USP12: variants seen among roughly 807,000 people sequenced by gnomAD.
The protein encoded by USP12 is ubiquitin carboxyl-terminal hydrolase 12.
USP12 carries 19 observed loss-of-function variants against 45.5 expected under a neutral mutation model. The observed-to-expected ratio is 0.42, with a 90% CI of 0.29 to 0.61. The LOEUF is 0.61. USP12 is among the 20% of genes least tolerant of loss of function. The pLI is 0.22. For missense variants in USP12, 242 were observed against 447.7 expected (o/e 0.54, Z 4.15); for synonymous variants, 149 against 148.8 (o/e 1.00, Z -0.01).
chr13:27,109,751 T>TA (rs1387318988), intron 2 of USP12, among the ~76,000 whole-genome samples: 1 of 151,696 alleles, frequency 6.6e-6, no homozygotes, highest in Non-Finnish European at 1.5e-5. Flanking sequence ...CCGTCTCTAC[T>TA]AAAAATACAA....
At chr13:27,107,712 C>G (rs1875210339) in intron 2 of USP12, among the ~76,000 whole-genome samples, 2 of 152,172 alleles carry the variant, frequency 1.3e-5, no homozygotes, top group Non-Finnish European at 2.9e-5. Context: ...GATACAAGAT[C>G]TGCGATAAGA....
At chr13:27,137,582 T>C (rs1265430569) in intron 1 of USP12, among the ~76,000 whole-genome samples, 1 of 152,174 alleles carries the variant, frequency 6.6e-6, no homozygotes, top group African/African-American at 2.4e-5. Context: ...ATAAGTAAGA[T>C]ACCACACTGA....
chr13:27,135,115 T>C (rs1331553425), intron 1 of USP12, among the ~76,000 whole-genome samples: 1 of 152,070 alleles, frequency 6.6e-6, no homozygotes, highest in African/African-American at 2.4e-5. Flanking sequence ...TGAAAGCCCA[T>C]TTCTACTAAG....
chr13:27,153,242 G>T (rs1877664688), intron 1 of USP12, among the ~76,000 whole-genome samples: 1 of 152,058 alleles, frequency 6.6e-6, no homozygotes, highest in Non-Finnish European at 1.5e-5. Context: ...CTGAGGCAGA[G>T]GTTGCAGTGA....
chr13:27,110,821 A>G (rs996959999), intron 2 of USP12, among the ~76,000 whole-genome samples: 3 of 152,352 alleles, frequency 2.0e-5, no homozygotes, highest in African/African-American at 7.2e-5. Flanking sequence ...AAATCTGGTT[A>G]TATCAATTGA....
At chr13:27,098,249 TA>T (rs1417740964) in intron 3 of USP12, among the ~76,000 whole-genome samples, 1 of 152,122 alleles carries the variant, frequency 6.6e-6, no homozygotes, top group Non-Finnish European at 1.5e-5. Context: ...ACTGACTATG[TA>T]AAAACTATGA....
intron 1 of USP12, among the ~76,000 whole-genome samples, chr13:27,142,125 A>AACACACACACAGAC (rs1877092894): frequency 6.6e-6 from 1 of 152,142 alleles, no homozygotes; most frequent in Non-Finnish European, 1.5e-5. Context: ...CTGTCTCAAA[A>AACACACACACAGAC]ACACACACAC....
At chr13:27,146,119 T>C (rs1877296709) in intron 1 of USP12, among the ~76,000 whole-genome samples, 1 of 152,254 alleles carries the variant, frequency 6.6e-6, no homozygotes, top group East Asian at 1.9e-4. Flanking sequence ...AAAGTACCTA[T>C]GTAACTAGGC....
At position 27,088,622 on chromosome 13, in the gene USP12, G is replaced by T. The variant is rs546852898; in HGVS notation, c.734+1261C>A. Among the ~76,000 whole-genome samples the T allele has an allele frequency of 5.9e-4, 90 of 152,158 alleles. 1 individual carries two copies. In the South Asian group the frequency reaches 0.018, roughly 31 times the overall value. ...GAATTTGGGGGCATGGTAGGCAGAG[G>T]GTACCTACATGACTAGCCCCAAATA... On this transcript the variant is annotated intron_variant, in intron 6 of 8. Transcript: ENST00000282344.
chr13:27,123,188 T>C (rs1204948769), intron 1 of USP12, among the ~76,000 whole-genome samples: 1 of 152,190 alleles, frequency 6.6e-6, no homozygotes, highest in Admixed American at 6.5e-5. Flanking sequence ...ACAAGTATCA[T>C]TGAACTAGCA....
At chr13:27,126,703 A>G (rs1876254382) in intron 1 of USP12, among the ~76,000 whole-genome samples, 2 of 152,166 alleles carry the variant, frequency 1.3e-5, no homozygotes, top group Admixed American at 1.3e-4. Flanking sequence ...TGTAGCACCT[A>G]TTGCAAACCC....
intron 6 of USP12, chr13:27,078,080 A>T (rs1448255974): frequency 6.6e-6 from 1 of 152,118 alleles, no homozygotes; most frequent in Non-Finnish European, 1.5e-5. Context: ...TTATTTTTTT[A>T]ATGACATTTA....
At chr13:27,148,547 G>A (rs993103809) in intron 1 of USP12, among the ~76,000 whole-genome samples, 27 of 151,004 alleles carry the variant, frequency 1.8e-4, no homozygotes, top group Admixed American at 5.3e-4. Flanking sequence ...GGTGGCAGGC[G>A]CCTGTAATCC....
chr13:27,074,909 CA>C (rs1308938000), intron 7 of USP12, among the ~76,000 whole-genome samples: 1 of 151,476 alleles, frequency 6.6e-6, no homozygotes, highest in Non-Finnish European at 1.5e-5. Flanking sequence ...ACACACACCC[CA>C]AAAAAGGAAA....
intron 1 of USP12, among the ~76,000 whole-genome samples, chr13:27,155,274 G>A (rs953212941): frequency 6.6e-5 from 10 of 151,562 alleles, no homozygotes; most frequent in African/African-American, 2.2e-4. Flanking sequence ...GTAGAGACAG[G>A]GTTTCACCAT....
At chr13:27,106,103 C>T (rs763914904) in intron 2 of USP12, among the ~76,000 whole-genome samples, 159 bp from the exon 3 acceptor site, 6 of 152,058 alleles carry the variant, frequency 3.9e-5, no homozygotes, top group Admixed American at 1.3e-4. Context: ...ATACAACTCT[C>T]AAAAATTCTT....
intron 1 of USP12, among the ~76,000 whole-genome samples, chr13:27,149,650 G>T (rs1004533657): frequency 2.0e-5 from 3 of 152,158 alleles, no homozygotes; most frequent in African/African-American, 4.8e-5. Flanking sequence ...TAGCCAAGGG[G>T]TGGTTAATGA....
chr13:27,093,445 T>C (rs1336524940), intron 4 of USP12, among the ~76,000 whole-genome samples: 1 of 152,198 alleles, frequency 6.6e-6, no homozygotes, highest in Non-Finnish European at 1.5e-5. Flanking sequence ...CAACATCATA[T>C]GTCATTAGGG....
In USP12 at chr13:27,126,603, G is replaced by A. The variant is rs1164585769; in HGVS notation, c.49-10007C>T. Among the ~76,000 whole-genome samples the A allele has an allele frequency of 2.0e-5, 3 of 152,110 alleles. No homozygotes were observed. The East Asian group carries it at 5.8e-4, about 29-fold the overall frequency. ...GCCTTCAAACCAGGAGGCTGCATTC[G>A]TGTCCCCATTCTAATATAAACTAAA... On this transcript the variant is annotated intron_variant, in intron 1 of 8. Transcript: ENST00000282344.
Sources: allele counts gnomAD v4.1 joint callset (sites outside exome capture counted in the v4.1 genomes callset), GRCh38; gene constraint gnomAD v4.1.1; transcripts MANE v1.5; gene names NCBI Gene and HGNC (gene_info 2026-07-23, HGNC 2026-07-21).